The following DNAAF9 variants were observed in gnomAD, a reference collection of about 807,000 sequenced individuals.
DNAAF9 encodes the protein dynein axonemal assembly factor 9.
A neutral mutation model predicts 167.0 loss-of-function variants in DNAAF9; 90 were observed. The observed-to-expected ratio is 0.54, with a 90% CI of 0.45 to 0.64. DNAAF9 has a LOEUF of 0.64. DNAAF9 is among the 30% of genes least tolerant of loss of function. DNAAF9 has a pLI of 0.00. For synonymous variants in DNAAF9, 491 were observed against 508.8 expected (o/e 0.96, Z 0.47); for missense variants, 1,315 against 1,442.2 (o/e 0.91, Z 1.43).
At chr20:3,278,109 A>C (rs558134890) in intron 29 of DNAAF9, among the ~76,000 whole-genome samples, 1 of 152,328 alleles carries the variant, frequency 6.6e-6, no homozygotes, top group Admixed American at 6.5e-5. Context: ...ATCACAGATA[A>C]TATGACTAGA....
At chr20:3,292,239 A>T (rs2068969582) in intron 25 of DNAAF9, among the ~76,000 whole-genome samples, 1 of 151,942 alleles carries the variant, frequency 6.6e-6, no homozygotes, top group Admixed American at 6.6e-5. Context: ...ACCTCAGGTG[A>T]TCCACCTACC....
chr20:3,366,673 C>T (rs2083436440), intron 6 of DNAAF9, among the ~76,000 whole-genome samples: 1 of 152,102 alleles, frequency 6.6e-6, no homozygotes. Context: ...ACATGTAATC[C>T]CAGGACTTTG....
At chr20:3,371,350 T>G (rs2083505747) in intron 6 of DNAAF9, among the ~76,000 whole-genome samples, 1 of 137,088 alleles carries the variant, frequency 7.3e-6, no homozygotes, top group South Asian at 2.5e-4. Context: ...TTTTTTTTTT[T>G]TTTTTTTTTT....
In DNAAF9 at chr20:3,343,674, AC is replaced by A; in HGVS notation, c.845+1del. 6.2e-7 allele frequency: 1 copy of A among 1,609,106 alleles called. No individual in the cohort carries two copies. The highest frequency in any genetic ancestry group is 8.5e-7 in the Non-Finnish European group (1 of 1,176,866). ...CCCTTCTTCCCCAAGAAAGAAACTTACCTGTTTTCAGTTATATGGCTAGAGA... is the reference window on the plus strand; with the variant it reads ...CCCTTCTTCCCCAAGAAAGAAACTTACTGTTTTCAGTTATATGGCTAGAGA... On this transcript the variant is annotated splice_donor_variant, in intron 9 of 36. Coordinates refer to ENST00000252032, the MANE Select transcript of DNAAF9 (RefSeq NM_001009984.3). LOFTEE classifies it high-confidence loss of function.
At chr20:3,282,946 A>G (rs930336232) in intron 27 of DNAAF9, among the ~76,000 whole-genome samples, 5 of 152,116 alleles carry the variant, frequency 3.3e-5, no homozygotes, top group East Asian at 1.9e-4. Context: ...CAAAGCCCCA[A>G]TCGGCAGCTA....
intron 17 of DNAAF9, among the ~76,000 whole-genome samples, 180 bp downstream of exon 17, chr20:3,318,104 CTTTTT>C (rs751838555): frequency 7.5e-6 from 1 of 132,850 alleles, no homozygotes. Context: ...TAATGTTTCT[CTTTTT>C]TTTTTTTTTT....
At chr20:3,316,635 C>A in intron 18 of DNAAF9, 88 bp downstream of exon 18, 1 of 886,266 alleles carries the variant, frequency 1.1e-6, no homozygotes, top group South Asian at 1.4e-5. Context: ...GACATCCCAC[C>A]AGGGGCCCAA....
chr20:3,376,336 T>C, intron 3 of DNAAF9, 34 bp from the exon 4 acceptor site: 1 of 1,540,182 alleles, frequency 6.5e-7, no homozygotes, highest in Admixed American at 1.9e-5. Context: ...CACAAGACTG[T>C]CAAACACATT....
At position 3,318,389 on chromosome 20, in the gene DNAAF9, G is replaced by A. The variant is rs778181139; in HGVS notation, c.1368C>T (p.Ala456=). Residue 456 remains alanine, a synonymous_variant, in exon 17 of 37, where the codon GCC becomes GCT. Coordinates refer to ENST00000252032, the MANE Select transcript of DNAAF9 (RefSeq NM_001009984.3). Reference sequence around the variant, plus strand: ...CCAGTAAGTCAGGAATGTCATAGACGGCCATACAAGCCTGCATTGAATGAG... The same window carrying A: ...CCAGTAAGTCAGGAATGTCATAGACAGCCATACAAGCCTGCATTGAATGAG... ...SLSFVKTACM[A]VYDIPDLLGG... 6.0e-5 allele frequency: 95 copies of A among 1,574,272 alleles called. No individual in the cohort carries two copies. The highest frequency in any genetic ancestry group is 5.0e-4 in the Middle Eastern group (3 of 6,000).
intron 27 of DNAAF9, among the ~76,000 whole-genome samples, chr20:3,286,097 G>T (rs1210007936): frequency 6.6e-6 from 1 of 152,204 alleles, no homozygotes; most frequent in African/African-American, 2.4e-5. Flanking sequence ...GGGCATGAAG[G>T]CCCAGCCCCA....
At chr20:3,282,209 C>G (rs1444023782) in intron 27 of DNAAF9, among the ~76,000 whole-genome samples, 1 of 152,164 alleles carries the variant, frequency 6.6e-6, no homozygotes, top group Non-Finnish European at 1.5e-5. Context: ...CAGACTCATC[C>G]ATGTCAAATA....
intron 1 of DNAAF9, among the ~76,000 whole-genome samples, chr20:3,383,356 C>T (rs1330841454): frequency 6.7e-6 from 1 of 149,528 alleles, no homozygotes; most frequent in South Asian, 2.1e-4. Context: ...GCAACCTCTG[C>T]CTCCCAGGTT....
intron 1 of DNAAF9, among the ~76,000 whole-genome samples, chr20:3,390,056 A>G (rs1205307270): frequency 3.3e-5 from 5 of 152,112 alleles, no homozygotes; most frequent in Non-Finnish European, 5.9e-5. Context: ...AAAAAAGAAA[A>G]ATGGAAACAT....
intron 3 of DNAAF9, among the ~76,000 whole-genome samples, chr20:3,380,973 A>G (rs142303227): frequency 2.9e-3 from 436 of 152,348 alleles, no homozygotes; most frequent in African/African-American, 1.0e-2. Flanking sequence ...CTCAGCTGAT[A>G]AGCCACAAGA....
At chr20:3,395,869 T>C (rs963486613) in intron 1 of DNAAF9, among the ~76,000 whole-genome samples, 1 of 152,240 alleles carries the variant, frequency 6.6e-6, no homozygotes, top group African/African-American at 2.4e-5. Flanking sequence ...ACGGTTTGCC[T>C]GTGTCCCCAC....
rs762827547 is a variant in DNAAF9 at position 3,375,072 on chromosome 20, C to T, written c.463G>A (p.Val155Ile). The T allele has an allele frequency of 6.2e-7, 1 of 1,612,256 alleles. No homozygotes were observed. The highest frequency in any genetic ancestry group is 8.5e-7 in the Non-Finnish European group (1 of 1,178,336). The stretch of plus-strand genomic sequence containing the variant: ...ATGCCAATTCTACTACAGTCTCGAA[C>T]CATGTCCACAAAGCTGGTAATTTTA... Reference protein sequence around the residue: ...EFKITSFVDMVRDCSRIGIPY... With the variant: ...EFKITSFVDMIRDCSRIGIPY... The change falls in exon 5 of 37, where the codon GTT becomes ATT. Residue 155 changes from valine (V) to isoleucine (I), a missense_variant. By Grantham distance (29) the Val-to-Ile change is conservative (BLOSUM62 3). Around this residue, in one of 2 missense-constraint regions of DNAAF9, gnomAD observed 981 missense variants for 1,012.5 expected, o/e 0.97. Coordinates refer to ENST00000252032, the MANE Select transcript of DNAAF9 (RefSeq NM_001009984.3).
chr20:3,403,023 T>G (rs1181637435), intron 1 of DNAAF9, among the ~76,000 whole-genome samples: 2 of 152,224 alleles, frequency 1.3e-5, no homozygotes, highest in East Asian at 3.8e-4. Flanking sequence ...AATAACTACC[T>G]GCTATCTCTC....
intron 9 of DNAAF9, among the ~76,000 whole-genome samples, chr20:3,341,971 G>T (rs543915349): frequency 1.3e-5 from 2 of 152,208 alleles, no homozygotes; most frequent in African/African-American, 4.8e-5. Flanking sequence ...TGGAGATGGG[G>T]TTTCACCGTG....
At chr20:3,282,507 C>G (rs2068780240) in intron 27 of DNAAF9, among the ~76,000 whole-genome samples, 1 of 152,212 alleles carries the variant, frequency 6.6e-6, no homozygotes. Context: ...GTTTTCAACA[C>G]AGATGCCAGA....
Sources: allele counts gnomAD v4.1 joint callset (sites outside exome capture counted in the v4.1 genomes callset), GRCh38; gene constraint gnomAD v4.1.1; regional missense constraint gnomAD v4.1.1; transcripts MANE v1.5; gene names NCBI Gene and HGNC (gene_info 2026-07-23, HGNC 2026-07-21).